ITGA9: variants seen among roughly 807,000 people sequenced by gnomAD.
ITGA9 encodes integrin alpha-9.
In ITGA9, 56 loss-of-function variants were observed where a neutral mutation model predicts 127.8. The observed-to-expected ratio is 0.44, with a 90% CI of 0.35 to 0.55. The LOEUF (loss-of-function observed/expected upper bound fraction) is 0.55. Ranked by LOEUF, ITGA9 falls within the 20% of genes least tolerant of loss-of-function variation. ITGA9 has a pLI of 0.00. For synonymous variants in ITGA9, 508 were observed against 514.5 expected (o/e 0.99, Z 0.17); for missense variants, 1,196 against 1,347.1 (o/e 0.89, Z 1.76).
intron 1 of ITGA9, among the ~76,000 whole-genome samples, chr3:37,458,728 A>G (rs1335320745): frequency 6.6e-6 from 1 of 152,212 alleles, no homozygotes; most frequent in Non-Finnish European, 1.5e-5. Context: ...ATCTTTGCTC[A>G]TACCTCTGTA....
At chr3:37,706,308 T>C (rs1395793936) in intron 18 of ITGA9, among the ~76,000 whole-genome samples, 3 of 152,250 alleles carry the variant, frequency 2.0e-5, no homozygotes, top group African/African-American at 7.2e-5. Context: ...ATCTGGACTT[T>C]TTGATTCTGC....
intron 15 of ITGA9, among the ~76,000 whole-genome samples, chr3:37,565,489 T>C (rs934914776): frequency 6.6e-6 from 1 of 152,222 alleles, no homozygotes; most frequent in African/African-American, 2.4e-5. Flanking sequence ...CCCTACCTCA[T>C]GTGATTGTAG....
chr3:37,516,637 A>G (rs1280259274), intron 9 of ITGA9, among the ~76,000 whole-genome samples: 2 of 152,182 alleles, frequency 1.3e-5, no homozygotes, highest in Non-Finnish European at 2.9e-5. Flanking sequence ...ACTGTTTTCA[A>G]GGTGTAAATT....
rs946169159 is a variant in ITGA9 at position 37,820,618 on chromosome 3, T to C, written c.*1629T>C. Reference sequence around the variant, plus strand: ...TGAAAGGGCAATGAGATGATGGATGTAGCATGCTCAGCACTGACCTGGCCC... The same window carrying C: ...TGAAAGGGCAATGAGATGATGGATGCAGCATGCTCAGCACTGACCTGGCCC... On this transcript the variant is annotated 3_prime_UTR_variant, in exon 28 of 28. Coordinates refer to ENST00000264741, the MANE Select transcript of ITGA9 (RefSeq NM_002207.3). 1 of 152,260 alleles carries C rather than the reference T, an allele frequency of 6.6e-6. No homozygotes were observed. The highest frequency in any genetic ancestry group is 1.5e-5 in the Non-Finnish European group (1 of 68,086). The allele number at this position is 152,260 out of a possible 1,614,324, so 9.4% of individuals were successfully genotyped here.
intron 15 of ITGA9, among the ~76,000 whole-genome samples, chr3:37,596,329 G>T (rs1413936210): frequency 6.6e-6 from 1 of 152,160 alleles, no homozygotes; most frequent in Non-Finnish European, 1.5e-5. Context: ...GGTACAGAAG[G>T]ATTGACATCA....
At chr3:37,468,865 C>G (rs1253761152) in intron 1 of ITGA9, among the ~76,000 whole-genome samples, 1 of 152,184 alleles carries the variant, frequency 6.6e-6, no homozygotes, top group Non-Finnish European at 1.5e-5. Context: ...AGATAAGGAA[C>G]AACGCCTGTT....
chr3:37,621,419 C>G (rs1451447856), intron 15 of ITGA9, among the ~76,000 whole-genome samples: 1 of 152,220 alleles, frequency 6.6e-6, no homozygotes, highest in African/African-American at 2.4e-5. Context: ...CCTGCCATCC[C>G]TGGCCCTGCC....
At chr3:37,519,015 C>T (rs919710539) in intron 10 of ITGA9, among the ~76,000 whole-genome samples, 1 of 151,496 alleles carries the variant, frequency 6.6e-6, no homozygotes. Flanking sequence ...AAACTCTTGA[C>T]CTCAGGCGAC....
intron 26 of ITGA9, among the ~76,000 whole-genome samples, chr3:37,786,011 AGGGGGGT>A (rs1363762002): frequency 2.4e-5 from 1 of 40,890 alleles, no homozygotes; most frequent in Non-Finnish European, 5.0e-5. Flanking sequence ...TTGCAGGAGC[AGGGGGGT>A]TGAGGGGGGT....
At chr3:37,573,634 G>A (rs1024135505) in intron 15 of ITGA9, among the ~76,000 whole-genome samples, 4 of 152,202 alleles carry the variant, frequency 2.6e-5, no homozygotes, top group African/African-American at 9.7e-5. Context: ...TTTCCTCAGA[G>A]CATGGCAACC....
At chr3:37,745,080 A>G (rs1696485144) in intron 22 of ITGA9, among the ~76,000 whole-genome samples, 1 of 152,192 alleles carries the variant, frequency 6.6e-6, no homozygotes, top group Non-Finnish European at 1.5e-5. Context: ...TCTGGCATTC[A>G]CTGCTGTGGC....
intron 4 of ITGA9, among the ~76,000 whole-genome samples, chr3:37,485,416 C>T (rs1698599225): frequency 6.6e-6 from 1 of 151,810 alleles, no homozygotes; most frequent in Non-Finnish European, 1.5e-5. Flanking sequence ...CTCTGCTGCA[C>T]TTCTGCCCCT....
At chr3:37,510,470 T>C (rs1292079231) in intron 8 of ITGA9, among the ~76,000 whole-genome samples, 1 of 152,176 alleles carries the variant, frequency 6.6e-6, no homozygotes, top group Non-Finnish European at 1.5e-5. Flanking sequence ...TCTGTAATTG[T>C]GCCCTCTCTC....
intron 9 of ITGA9, among the ~76,000 whole-genome samples, chr3:37,514,465 A>G (rs1023735585): frequency 6.6e-6 from 1 of 152,220 alleles, no homozygotes; most frequent in African/African-American, 2.4e-5. Context: ...GGGCTGGAGC[A>G]GAGCTCCCAG....
At chr3:37,474,924 G>A (rs1047963236) in intron 3 of ITGA9, among the ~76,000 whole-genome samples, 51 of 152,186 alleles carry the variant, frequency 3.4e-4, no homozygotes, top group African/African-American at 1.0e-3. Flanking sequence ...TCTGAATTCC[G>A]TCCTCAGCAC....
chr3:37,796,406 A>C (rs1018429096), intron 26 of ITGA9, among the ~76,000 whole-genome samples: 4 of 152,190 alleles, frequency 2.6e-5, no homozygotes, highest in Admixed American at 2.6e-4. Flanking sequence ...TGTTTTATTC[A>C]TCAATGAATT....
chr3:37,695,342 T>G (rs1295621871), intron 18 of ITGA9, among the ~76,000 whole-genome samples: 1 of 152,162 alleles, frequency 6.6e-6, no homozygotes, highest in African/African-American at 2.4e-5. Flanking sequence ...GGTGGGGCAT[T>G]GAAATTGTTT....
chr3:37,592,916 A>G (rs540424583), intron 15 of ITGA9, among the ~76,000 whole-genome samples: 3 of 152,190 alleles, frequency 2.0e-5, no homozygotes, highest in Non-Finnish European at 4.4e-5. Context: ...CCTTGCAGCT[A>G]TAGTGGAGAA....
Position 37,802,747 on chromosome 3 carries a change from G to T in ITGA9, c.2890-1076G>T, listed in dbSNP as rs370033420. 5.3e-5 allele frequency among the ~76,000 whole-genome samples: 8 copies of T among 152,322 alleles called. 1 individual carries two copies. The South Asian group carries it at 6.2e-4, about 12-fold the overall frequency. On this transcript the variant is annotated intron_variant, in intron 26 of 27. Transcript: ENST00000264741. ...TAACAATCAGTTCTCTGGCAGGAGG[G>T]TAGGGGTGCCCTGATTTGTTTGCCA...
Sources: allele counts gnomAD v4.1 joint callset (sites outside exome capture counted in the v4.1 genomes callset), GRCh38; gene constraint gnomAD v4.1.1; transcripts MANE v1.5; gene names NCBI Gene and HGNC (gene_info 2026-07-23, HGNC 2026-07-21).